The following CDH12 variants were observed in gnomAD, a reference collection of about 807,000 sequenced individuals.
CDH12 encodes cadherin 12.
CDH12 carries 41 observed loss-of-function variants against 74.1 expected under a neutral mutation model. That is an observed-to-expected ratio of 0.55 (90% CI 0.43 to 0.72). CDH12 has a LOEUF of 0.72. CDH12 is among the 30% of genes least tolerant of loss of function. The probability of loss-of-function intolerance (pLI) is 0.00; values close to 1 mark genes in which losing one functional copy is unlikely to be tolerated. For synonymous variants in CDH12, 399 were observed against 355.0 expected (o/e 1.12, Z -1.39); for missense variants, 945 against 977.2 (o/e 0.97, Z 0.44).
At chr5:22,419,000 T>A (rs1414202722) in intron 2 of CDH12, among the ~76,000 whole-genome samples, 1 of 152,154 alleles carries the variant, frequency 6.6e-6, no homozygotes, top group Admixed American at 6.6e-5. Flanking sequence ...TTGTCGAAGG[T>A]CTTTTCTGCA....
At chr5:21,893,230 G>A (rs888342380) in intron 6 of CDH12, among the ~76,000 whole-genome samples, 1 of 151,790 alleles carries the variant, frequency 6.6e-6, no homozygotes, top group Admixed American at 6.6e-5. Context: ...ATTTGAATGC[G>A]TGTTTGCAGC....
At chr5:21,778,864 T>C (rs1305222107) in intron 11 of CDH12, among the ~76,000 whole-genome samples, 1 of 152,124 alleles carries the variant, frequency 6.6e-6, no homozygotes, top group East Asian at 1.9e-4. Context: ...TGAAATTTGA[T>C]TTTCTGTACA....
intron 5 of CDH12, among the ~76,000 whole-genome samples, chr5:22,026,778 C>A (rs1020593001): frequency 2.6e-5 from 4 of 152,248 alleles, no homozygotes; most frequent in Non-Finnish European, 4.4e-5. Flanking sequence ...TTTCTATTTA[C>A]TTACACTCCA....
chr5:22,092,437 T>G (rs1220629849), intron 4 of CDH12, among the ~76,000 whole-genome samples: 1 of 152,074 alleles, frequency 6.6e-6, no homozygotes, highest in East Asian at 1.9e-4. Flanking sequence ...ATACAATCAA[T>G]AAATGAGAGA....
chr5:21,956,181 C>T (rs553242671), intron 6 of CDH12, among the ~76,000 whole-genome samples: 3 of 151,442 alleles, frequency 2.0e-5, no homozygotes, highest in Non-Finnish European at 4.4e-5. Flanking sequence ...GATAATTTAC[C>T]ACCAGATTAG....
chr5:21,902,269 T>A (rs1753425014), intron 6 of CDH12, among the ~76,000 whole-genome samples: 1 of 150,412 alleles, frequency 6.6e-6, no homozygotes, highest in Admixed American at 6.7e-5. Context: ...TATAAGTATA[T>A]ATATTACATA....
At position 21,816,414 on chromosome 5, in the gene CDH12, C is replaced by T. The variant is rs533731072; in HGVS notation, c.1002+531G>A. ...GGCCGAGGCAGGTGGATCACGAGGT[C>T]AGGAGTTTGAGACCAGCCTGACCAA... On this transcript the variant is annotated intron_variant, in intron 9 of 14. Transcript: ENST00000382254. 2.4e-4 allele frequency among the ~76,000 whole-genome samples: 37 copies of T among 151,668 alleles called. 1 individual carries two copies. The highest frequency in any genetic ancestry group is 8.0e-4 in the African/African-American group (33 of 41,412).
chr5:22,233,313 T>C (rs55750132), intron 3 of CDH12, among the ~76,000 whole-genome samples: 13,795 of 151,838 alleles, frequency 0.091, 655 homozygotes, highest in South Asian at 0.15. Flanking sequence ...AAAATATATA[T>C]ATATAGTTAA....
intron 2 of CDH12, among the ~76,000 whole-genome samples, chr5:22,442,874 T>G (rs1244709315): frequency 6.6e-6 from 1 of 152,168 alleles, no homozygotes; most frequent in East Asian, 1.9e-4. Context: ...CATCATTGAA[T>G]AATCAGTCTA....
At chr5:22,015,430 C>T (rs1279309638) in intron 5 of CDH12, among the ~76,000 whole-genome samples, 1 of 152,028 alleles carries the variant, frequency 6.6e-6, no homozygotes. Flanking sequence ...TGTAATTCAA[C>T]AAGAAAAATG....
intron 4 of CDH12, among the ~76,000 whole-genome samples, chr5:22,106,552 T>G (rs538557485): frequency 6.6e-6 from 1 of 152,312 alleles, no homozygotes; most frequent in African/African-American, 2.4e-5. Flanking sequence ...TTCTAAAAAC[T>G]TTATGTTATC....
chr5:22,830,075 A>G (rs770219237), intron 1 of CDH12, among the ~76,000 whole-genome samples: 1 of 152,212 alleles, frequency 6.6e-6, no homozygotes, highest in Non-Finnish European at 1.5e-5. Flanking sequence ...ATCAAAGCCT[A>G]CTTTTGCTAT....
rs142771401 is a variant in CDH12, at chr5:21,913,413, T to C, written c.527-58623A>G. On this transcript the variant is annotated intron_variant, in intron 6 of 14. Coordinates refer to ENST00000382254, the MANE Select transcript of CDH12 (RefSeq NM_004061.5). ...GGGATTTTAGGAAATTTTGGAGAAA[T>C]GATATACGTGTATCTTCTGGGAAAG... Among the ~76,000 whole-genome samples, 104 of 152,238 alleles carry C rather than the reference T, an allele frequency of 6.8e-4. 1 individual carries two copies. In the East Asian group the frequency reaches 0.013, roughly 18 times the overall value.
At chr5:22,738,206 G>T (rs1334101040) in intron 1 of CDH12, among the ~76,000 whole-genome samples, 1 of 152,010 alleles carries the variant, frequency 6.6e-6, no homozygotes, top group African/African-American at 2.4e-5. Context: ...TCTCAGGGCT[G>T]TCTCGTGGAG....
chr5:21,780,996 G>C (rs1191072232), intron 11 of CDH12, among the ~76,000 whole-genome samples: 2 of 152,132 alleles, frequency 1.3e-5, no homozygotes, highest in African/African-American at 4.8e-5. Flanking sequence ...CCTTCAAGAA[G>C]GGGAGACTGT....
Position 21,880,617 on chromosome 5 carries a change from T to TTCCTTCCTTCCTTCTTTCTC in CDH12, c.527-25828_527-25827insGAGAAAGAAGGAAGGAAGGA, listed in dbSNP as rs1579896092. Among the ~76,000 whole-genome samples the TTCCTTCCTTCCTTCTTTCTC allele has an allele frequency of 4.3e-4, 23 of 54,014 alleles. No individual in the cohort carries two copies. In the East Asian group the frequency reaches 4.7e-3, roughly 11 times the overall value. 35.4% of individuals were successfully genotyped at this position (54,014 alleles called of 152,430 possible). On this transcript the variant is annotated intron_variant, in intron 6 of 14. Transcript: ENST00000382254. ...CTTCCTTCCTTCCTTCCTTCCTTCC[T>TTCCTTCCTTCCTTCTTTCTC]TCTTTCTTTCTTTCTTTCTTTCTTT...
intron 1 of CDH12, among the ~76,000 whole-genome samples, chr5:22,767,877 G>T (rs1046200208): frequency 2.0e-5 from 3 of 151,664 alleles, no homozygotes; most frequent in Non-Finnish European, 4.4e-5. Context: ...ATTTTTAAAG[G>T]CAGCATTTCA....
chr5:22,751,546 C>A (rs1013071376), intron 1 of CDH12, among the ~76,000 whole-genome samples: 1 of 151,780 alleles, frequency 6.6e-6, no homozygotes, highest in Non-Finnish European at 1.5e-5. Context: ...TAGCTGTTAG[C>A]GTCTGGAGTA....
At chr5:22,593,364 G>A (rs269892) in intron 1 of CDH12, among the ~76,000 whole-genome samples, 51,394 of 151,924 alleles carry the variant, frequency 0.34, 9,150 homozygotes, top group African/African-American at 0.44. Context: ...AAACCCTAAG[G>A]TTCCAAAACA....
Sources: gnomAD v4.1 joint callset for allele counts (sites outside exome capture counted in the v4.1 genomes callset) on GRCh38, gnomAD v4.1.1 for gene constraint, MANE v1.5 for transcripts, NCBI Gene and HGNC (gene_info 2026-07-23, HGNC 2026-07-21) for gene names.